The following SMC2 variants were observed in gnomAD, a reference collection of about 807,000 sequenced individuals.
The protein encoded by SMC2 is structural maintenance of chromosomes 2, also known as structural maintenance of chromosomes protein 2.
Under a neutral mutation model 142.6 loss-of-function variants are expected in SMC2, and 41 were observed. The ratio of observed to expected loss-of-function variants is 0.29; its 90% CI spans 0.22 to 0.37. SMC2 has a LOEUF of 0.37. Ranked by LOEUF, SMC2 falls within the 10% of genes least tolerant of loss-of-function variation. SMC2 has a pLI of 1.00. For missense variants in SMC2, 1,265 were observed against 1,373.7 expected (o/e 0.92, Z 1.25); for synonymous variants, 463 against 457.5 (o/e 1.01, Z -0.15).
intron 3 of SMC2, 24 bp downstream of exon 3, chr9:104,096,321 G>T (rs1002217068): frequency 6.2e-7 from 1 of 1,611,476 alleles, no homozygotes. Context: ...AAACCTTTGG[G>T]TATCTTAAGA....
upstream of SMC2, among the ~76,000 whole-genome samples, chr9:104,091,811 C>G (rs996633435): frequency 1.3e-5 from 2 of 151,794 alleles, no homozygotes; most frequent in Non-Finnish European, 2.9e-5. Context: ...AGTAGAGCAC[C>G]AAATATTTCT....
chr9:104,113,235 C>A, intron 10 of SMC2, 81 bp from the exon 11 acceptor site: 4 of 1,077,680 alleles, frequency 3.7e-6, no homozygotes, highest in Non-Finnish European at 3.9e-6. Flanking sequence ...CTTAGTAAAA[C>A]CAATCTGAAT....
intron 4 of SMC2, 89 bp downstream of exon 4, chr9:104,098,657 T>C: frequency 7.6e-7 from 1 of 1,317,754 alleles, no homozygotes; most frequent in Non-Finnish European, 1.0e-6. Context: ...CTTTATGTTT[T>C]GGATTTTATA....
At chr9:104,126,842 T>G (rs1028193176) in intron 19 of SMC2, 58 bp downstream of exon 19, 36 of 1,459,852 alleles carry the variant, frequency 2.5e-5, no homozygotes, top group Non-Finnish European at 3.2e-5. Context: ...TATGAAACAT[T>G]AGCTTAAGAT....
At chr9:104,139,116 T>A in intron 24 of SMC2, 23 bp from the exon 25 acceptor site, 2 of 1,521,766 alleles carry the variant, frequency 1.3e-6, no homozygotes, top group Non-Finnish European at 1.8e-6. Context: ...AGTTTTTTTA[T>A]ACTTTTTTCT....
At chr9:104,096,769 T>C (rs1313783011) in intron 3 of SMC2, among the ~76,000 whole-genome samples, 2 of 152,236 alleles carry the variant, frequency 1.3e-5, no homozygotes, top group Non-Finnish European at 2.9e-5. Context: ...GTTTAAGTGA[T>C]GTGCAAGTAT....
At chr9:104,110,551 T>C (rs1166407815) in intron 9 of SMC2, among the ~76,000 whole-genome samples, 1 of 150,808 alleles carries the variant, frequency 6.6e-6, no homozygotes, top group Non-Finnish European at 1.5e-5. Context: ...ATGTGATTTT[T>C]GACTGTAGGG....
chr9:104,106,296 G>A (rs1831769077), intron 9 of SMC2, among the ~76,000 whole-genome samples: 1 of 152,140 alleles, frequency 6.6e-6, no homozygotes, highest in African/African-American at 2.4e-5. Flanking sequence ...TTCTTTCAAG[G>A]GTAGCATCAG....
At chr9:104,125,305 A>AGAAACTTTTTGAGTGTTGATCT (rs1834144830) in intron 18 of SMC2, among the ~76,000 whole-genome samples, 200 bp downstream of exon 18, 1 of 152,160 alleles carries the variant, frequency 6.6e-6, no homozygotes. Flanking sequence ...AATACAAATT[A>AGAAACTTTTTGAGTGTTGATCT]GAAACTTTTT....
intron 19 of SMC2, among the ~76,000 whole-genome samples, 200 bp from the exon 20 acceptor site, chr9:104,127,086 G>A (rs1013017212): frequency 5.9e-5 from 9 of 152,070 alleles, no homozygotes; most frequent in African/African-American, 2.2e-4. Flanking sequence ...CCTTTTACCA[G>A]GGATGATCCA....
intron 15 of SMC2, among the ~76,000 whole-genome samples, chr9:104,119,253 T>G (rs373543992): frequency 2.6e-5 from 4 of 152,236 alleles, no homozygotes; most frequent in African/African-American, 9.6e-5. Context: ...AGAAGAAACT[T>G]TTTAGATTTT....
intron 2 of SMC2, 30 bp from the exon 3 acceptor site, chr9:104,096,118 A>G: frequency 6.2e-7 from 1 of 1,601,284 alleles, no homozygotes; most frequent in Non-Finnish European, 8.5e-7. Context: ...GGAGTTTTGT[A>G]ATTGTTACAC....
At chr9:104,108,051 C>T (rs568664785) in intron 9 of SMC2, among the ~76,000 whole-genome samples, 12 of 152,198 alleles carry the variant, frequency 7.9e-5, no homozygotes, top group South Asian at 4.1e-4. Context: ...TATCAATATC[C>T]GTACTCAGTG....
chr9:104,090,099 T>G (rs1829966542), upstream of SMC2, among the ~76,000 whole-genome samples: 1 of 152,142 alleles, frequency 6.6e-6, no homozygotes, highest in Non-Finnish European at 1.5e-5. Flanking sequence ...GAAAAGTAAA[T>G]GAGAAGACCT....
At chr9:104,116,818 C>A (rs573307565) in intron 14 of SMC2, among the ~76,000 whole-genome samples, 4 of 152,090 alleles carry the variant, frequency 2.6e-5, no homozygotes, top group Non-Finnish European at 5.9e-5. Flanking sequence ...CAACTGCTGA[C>A]GTTGATCTAA....
At chr9:104,100,909 C>T (rs764054159) in intron 7 of SMC2, among the ~76,000 whole-genome samples, 14 of 152,156 alleles carry the variant, frequency 9.2e-5, no homozygotes, top group Non-Finnish European at 2.1e-4. Context: ...AAAGACATGG[C>T]ACAATATGTC....
chr9:104,131,631 C>T (rs1210157499), intron 21 of SMC2, among the ~76,000 whole-genome samples: 1 of 144,462 alleles, frequency 6.9e-6, no homozygotes, highest in African/African-American at 2.6e-5. Context: ...GCTCCTTTTA[C>T]TTAAGTTTAT....
chr9:104,123,307 C>A, intron 17 of SMC2, 75 bp downstream of exon 17: 2 of 1,437,512 alleles, frequency 1.4e-6, no homozygotes, highest in African/African-American at 1.4e-5. Context: ...ATCTTCTCTA[C>A]CTGTGCTATG....
At chr9:104,136,964 A>G (rs1447580872) in intron 23 of SMC2, among the ~76,000 whole-genome samples, 1 of 152,074 alleles carries the variant, frequency 6.6e-6, no homozygotes. Context: ...CCTGGCCAAC[A>G]TGGTGAAATC....
Sources: allele counts gnomAD v4.1 joint callset (sites outside exome capture counted in the v4.1 genomes callset), GRCh38; gene constraint gnomAD v4.1.1; transcripts MANE v1.5; gene names NCBI Gene and HGNC (gene_info 2026-07-23, HGNC 2026-07-21).